The following RABGAP1 variants were observed in gnomAD, a reference collection of about 807,000 sequenced individuals.
RABGAP1 encodes RAB GTPase activating protein 1, also known as rab GTPase-activating protein 1.
RABGAP1 carries 23 observed loss-of-function variants against 137.6 expected under a neutral mutation model. The observed-to-expected ratio is 0.17, with a 90% CI of 0.12 to 0.24. The LOEUF (loss-of-function observed/expected upper bound fraction) is 0.24, where lower values mean the gene tolerates loss of function less well. RABGAP1 is among the 10% of genes least tolerant of loss of function. The pLI is 1.00. For synonymous variants in RABGAP1, 451 were observed against 450.7 expected (o/e 1.00, Z -0.01); for missense variants, 906 against 1,275.8 (o/e 0.71, Z 4.42).
chr9:123,011,498 C>G (rs1486627906), intron 11 of RABGAP1, among the ~76,000 whole-genome samples: 5 of 152,180 alleles, frequency 3.3e-5, no homozygotes, highest in Non-Finnish European at 7.3e-5. Flanking sequence ...TTAGAGTGAG[C>G]ACTGAGTTTC....
chr9:123,099,586 C>T, intron 24 of RABGAP1, 37 bp downstream of exon 24: 1 of 1,534,160 alleles, frequency 6.5e-7, no homozygotes, highest in South Asian at 1.1e-5. Flanking sequence ...TTTATACCAC[C>T]TACTTCATTT....
chr9:122,986,761 T>C (rs921592013), intron 4 of RABGAP1, among the ~76,000 whole-genome samples: 2 of 152,178 alleles, frequency 1.3e-5, no homozygotes, highest in Non-Finnish European at 2.9e-5. Context: ...AAATGGAGTT[T>C]CATGTTGAGT....
chr9:123,104,250 T>C lies in RABGAP1; in HGVS notation c.*1037T>C, dbSNP rs565792806. The stretch of plus-strand genomic sequence containing the variant: ...AAAGACTGAGTTGCGTGTCTGTAAA[T>C]GTCTGCGCAGGGTGCACATGCTGCG... On this transcript the variant is annotated 3_prime_UTR_variant, in exon 26 of 26. Transcript: ENST00000373647. The C allele has an allele frequency of 2.0e-5, 3 of 152,648 alleles. No homozygotes were observed. The East Asian group carries it at 5.8e-4, about 30-fold the overall frequency. The allele number at this position is 152,648 out of a possible 1,614,324, so 9.5% of individuals were successfully genotyped here. A position where few individuals can be genotyped will look rare whatever the true frequency, so the allele number is the denominator to read the frequency against.
At chr9:122,942,289 T>G (rs1833625757) in intron 1 of RABGAP1, among the ~76,000 whole-genome samples, 2 of 152,172 alleles carry the variant, frequency 1.3e-5, no homozygotes. Flanking sequence ...TCATCCAACT[T>G]TTTTTTAAAC....
intron 2 of RABGAP1, among the ~76,000 whole-genome samples, chr9:122,972,635 C>T (rs1025786402): frequency 2.6e-5 from 4 of 152,076 alleles, no homozygotes; most frequent in Non-Finnish European, 5.9e-5. Flanking sequence ...ATTGGAGGTG[C>T]TGTAGAGATT....
At chr9:123,087,781 G>C (rs1425023018) in intron 19 of RABGAP1, among the ~76,000 whole-genome samples, 1 of 152,152 alleles carries the variant, frequency 6.6e-6, no homozygotes, top group Non-Finnish European at 1.5e-5. Context: ...GACTAGGGGA[G>C]GTGTCCACAG....
In RABGAP1 at chr9:123,101,614, G is replaced by T. The variant is rs758126726; in HGVS notation, c.2938G>T (p.Gly980Trp). 3 of 1,614,106 alleles carry T rather than the reference G, an allele frequency of 1.9e-6. No individual in the cohort carries two copies. The highest frequency in any genetic ancestry group is 2.5e-6 in the Non-Finnish European group (3 of 1,180,000). Residue 980 changes from glycine (G) to tryptophan (W), a missense_variant, in exon 25 of 26, where the codon GGG (glycine) becomes TGG (tryptophan). This residue lies in a region of RABGAP1 where 193 missense variants were observed against 248.1 expected (regional missense o/e 0.78). Transcript: ENST00000373647. ...ERCREFFNKE[G>W]RVKGISSTKE... ...GTGCCGGGAATTTTTCAACAAAGAA[G>T]GGCGTGTAAAAGGCATAAGCTCAAC...
chr9:123,093,339 A>T (rs143370977), intron 21 of RABGAP1, among the ~76,000 whole-genome samples: 48 of 152,290 alleles, frequency 3.2e-4, no homozygotes, highest in African/African-American at 1.1e-3. Context: ...TCTGTATGAA[A>T]TGGGAGTAAT....
intron 6 of RABGAP1, among the ~76,000 whole-genome samples, chr9:122,993,874 G>T (rs961833791): frequency 5.9e-5 from 9 of 152,128 alleles, no homozygotes; most frequent in African/African-American, 2.2e-4. Flanking sequence ...ATGTTGGCCA[G>T]GCTGGTCTCA....
chr9:123,045,025 G>A (rs1433041753), intron 13 of RABGAP1, among the ~76,000 whole-genome samples: 1 of 152,148 alleles, frequency 6.6e-6, no homozygotes, highest in Admixed American at 6.5e-5. Context: ...ATCTTTACAA[G>A]AAATTATTAT....
At chr9:123,001,454 T>C (rs1002945918) in intron 10 of RABGAP1, among the ~76,000 whole-genome samples, 2 of 152,226 alleles carry the variant, frequency 1.3e-5, no homozygotes, top group Admixed American at 6.5e-5. Flanking sequence ...ATTTTGATTC[T>C]AGTATACCCA....
At chr9:122,983,183 A>G (rs1187329449) in intron 2 of RABGAP1, among the ~76,000 whole-genome samples, 2 of 152,084 alleles carry the variant, frequency 1.3e-5, no homozygotes, top group Non-Finnish European at 2.9e-5. Context: ...AAAAAAAACA[A>G]AAACTTTTTA....
In RABGAP1 at chr9:123,085,409, C is replaced by T. The variant is rs142248804; in HGVS notation, c.2425-4349C>T. 1.6e-3 allele frequency among the ~76,000 whole-genome samples: 246 copies of T among 152,270 alleles called. 9 individuals are homozygous for T. The East Asian group carries it at 0.045, about 28-fold the overall frequency. ...GCTATTTCTAACGGTGTTAAGAACC[C>T]CTGTGCTAATACAGTGGGGTATAAG... On this transcript the variant is annotated intron_variant, in intron 19 of 25. Transcript: ENST00000373647.
chr9:122,970,867 G>A (rs1462742836), intron 2 of RABGAP1, among the ~76,000 whole-genome samples: 2 of 152,202 alleles, frequency 1.3e-5, no homozygotes, highest in Non-Finnish European at 2.9e-5. Context: ...AAAGCTGGCT[G>A]AAATGTAACA....
At chr9:122,947,159 A>T (rs112273545) in intron 1 of RABGAP1, among the ~76,000 whole-genome samples, 1,566 of 152,344 alleles carry the variant, frequency 0.01, 4 homozygotes, top group Non-Finnish European at 0.015. Context: ...AATATTATTC[A>T]GCCTTAGGGA....
intron 2 of RABGAP1, among the ~76,000 whole-genome samples, chr9:122,974,088 C>T (rs1835629631): frequency 6.6e-6 from 1 of 151,708 alleles, no homozygotes; most frequent in Non-Finnish European, 1.5e-5. Context: ...AGTTACTGAA[C>T]ATGAGCTCAG....
chr9:122,960,820 G>A lies in RABGAP1; in HGVS notation c.150+3611G>A, dbSNP rs527361421. On this transcript the variant is annotated intron_variant, in intron 2 of 25. Transcript: ENST00000373647. ...ACATGAAACAGAGAATATTAATAAC[G>A]AGATAGAAATCATTTTAAAAAGAAG... Among the ~76,000 whole-genome samples, 5 of 152,246 alleles carry A rather than the reference G, an allele frequency of 3.3e-5. No individual in the cohort carries two copies. In the East Asian group the frequency reaches 5.8e-4, roughly 18 times the overall value.
chr9:122,958,204 C>T (rs1017026722), intron 2 of RABGAP1, among the ~76,000 whole-genome samples: 1 of 152,102 alleles, frequency 6.6e-6, no homozygotes, highest in South Asian at 2.1e-4. Context: ...ACATTGTAGT[C>T]CTGGAACCAT....
At chr9:123,044,651 G>A (rs1207766466) in intron 13 of RABGAP1, among the ~76,000 whole-genome samples, 1 of 151,614 alleles carries the variant, frequency 6.6e-6, no homozygotes, top group South Asian at 2.1e-4. Context: ...GTGTGTGTGT[G>A]TGTATGTGTA....
Sources: gnomAD v4.1 joint callset for allele counts (sites outside exome capture counted in the v4.1 genomes callset) on GRCh38, gnomAD v4.1.1 for gene constraint, gnomAD v4.1.1 regional missense constraint, MANE v1.5 for transcripts, NCBI Gene and HGNC (gene_info 2026-07-23, HGNC 2026-07-21) for gene names.